The following LRP1B variants were observed in gnomAD, a reference collection of about 807,000 sequenced individuals.
The protein encoded by LRP1B is low-density lipoprotein receptor-related protein 1B.
LRP1B carries 217 observed loss-of-function variants against 556.6 expected under a neutral mutation model. The observed-to-expected ratio is 0.39, with a 90% confidence interval of 0.35 to 0.44. The LOEUF (loss-of-function observed/expected upper bound fraction) is 0.44, where lower values mean the gene tolerates loss of function less well. Among genes scored for constraint, LRP1B ranks in the 20% least tolerant of loss-of-function variants. The pLI, the probability that LRP1B is intolerant of heterozygous loss-of-function variation, is 1.00. For missense variants in LRP1B, 5,053 were observed against 5,620.8 expected, an observed-to-expected ratio of 0.90 and a Z score of 3.23; for synonymous variants, 2,047 against 1,865.8, an observed-to-expected ratio of 1.10 and a Z score of -2.50.
At chr2:141,711,054 T>C (rs1204031045) in intron 2 of LRP1B, among the ~76,000 whole-genome samples, 1 of 152,222 alleles carries the variant, frequency 6.6e-6, no homozygotes, top group Non-Finnish European at 1.5e-5. Flanking sequence ...CTAGAAATTA[T>C]TCTCCCCCTT....
chr2:140,789,821 G>C (rs1559120570), intron 32 of LRP1B, among the ~76,000 whole-genome samples: 1 of 150,846 alleles, frequency 6.6e-6, no homozygotes, highest in Non-Finnish European at 1.5e-5. Flanking sequence ...TAGTAGAGAC[G>C]GGGTTTCACC....
chr2:140,455,925 GCAAC>G, intron 62 of LRP1B, among the ~76,000 whole-genome samples: 1 of 152,130 alleles, frequency 6.6e-6, no homozygotes, highest in Non-Finnish European at 1.5e-5. Context: ...TCAAGTCCAT[GCAAC>G]TACCATACAG....
chr2:141,619,682 C>T (rs191625679), intron 2 of LRP1B, among the ~76,000 whole-genome samples: 5 of 152,204 alleles, frequency 3.3e-5, no homozygotes, highest in East Asian at 1.9e-4. Context: ...CTTAGTTCAA[C>T]AAGAGTAGCA....
At chr2:140,423,887 C>T (rs900767349) in intron 66 of LRP1B, among the ~76,000 whole-genome samples, 1 of 152,054 alleles carries the variant, frequency 6.6e-6, no homozygotes. Context: ...GACATAATAT[C>T]ACTAATATCG....
intron 20 of LRP1B, among the ~76,000 whole-genome samples, chr2:140,925,432 C>G (rs1459764690): frequency 6.6e-6 from 1 of 152,144 alleles, no homozygotes; most frequent in East Asian, 1.9e-4. Flanking sequence ...AGCTTCCATG[C>G]AGCAATGAAA....
At chr2:142,021,013 C>G (rs917401114) in intron 1 of LRP1B, among the ~76,000 whole-genome samples, 1 of 152,174 alleles carries the variant, frequency 6.6e-6, no homozygotes, top group Non-Finnish European at 1.5e-5. Flanking sequence ...AGAACCTTCT[C>G]TTTGAATTTC....
At chr2:141,704,584 C>A (rs1692070130) in intron 2 of LRP1B, among the ~76,000 whole-genome samples, 1 of 151,966 alleles carries the variant, frequency 6.6e-6, no homozygotes, top group South Asian at 2.1e-4. Context: ...TCTTCTTCCC[C>A]TAGGTGTTGT....
chr2:140,855,493 G>GAAAAAAAAAAAAAAA (rs56835236), intron 27 of LRP1B, among the ~76,000 whole-genome samples: 89 of 99,382 alleles, frequency 9.0e-4, no homozygotes, highest in African/African-American at 2.0e-3. Context: ...TCTCTACTGG[G>GAAAAAAAAAAAAAAA]AAAAAAAAAA....
intron 2 of LRP1B, among the ~76,000 whole-genome samples, chr2:141,491,557 T>C (rs1432062237): frequency 6.6e-6 from 1 of 152,090 alleles, no homozygotes; most frequent in African/African-American, 2.4e-5. Flanking sequence ...CCTACCCAAT[T>C]AGAAGCAGGG....
chr2:141,305,180 G>C (rs1325883840), intron 3 of LRP1B, among the ~76,000 whole-genome samples: 2 of 152,046 alleles, frequency 1.3e-5, no homozygotes, highest in African/African-American at 4.8e-5. Flanking sequence ...TGGGTAGAAT[G>C]GTCATTTTAA....
chr2:142,006,636 G>C (rs1702810336), intron 1 of LRP1B, among the ~76,000 whole-genome samples: 2 of 152,158 alleles, frequency 1.3e-5, no homozygotes, highest in South Asian at 4.1e-4. Flanking sequence ...CAACATGCAG[G>C]AAGTTGGCAA....
At chr2:140,941,182 C>T (rs1374440400) in intron 20 of LRP1B, among the ~76,000 whole-genome samples, 1 of 152,004 alleles carries the variant, frequency 6.6e-6, no homozygotes, top group Middle Eastern at 3.2e-3. Flanking sequence ...TTTATACTTT[C>T]CCATGTATTA....
At chr2:141,032,672 T>G (rs1698405942) in intron 11 of LRP1B, among the ~76,000 whole-genome samples, 1 of 151,952 alleles carries the variant, frequency 6.6e-6, no homozygotes, top group East Asian at 1.9e-4. Flanking sequence ...GATATTGTCT[T>G]TATTTCATAA....
intron 2 of LRP1B, among the ~76,000 whole-genome samples, chr2:141,495,888 A>C (rs1311737655): frequency 6.6e-6 from 1 of 152,074 alleles, no homozygotes; most frequent in Non-Finnish European, 1.5e-5. Context: ...TCTCATTATG[A>C]TATTATCTAA....
At chr2:141,460,906 A>T (rs1681841651) in intron 3 of LRP1B, among the ~76,000 whole-genome samples, 1 of 152,040 alleles carries the variant, frequency 6.6e-6, no homozygotes, top group Non-Finnish European at 1.5e-5. Flanking sequence ...AGGGGTGGGG[A>T]AGATCTTGGG....
chr2:141,839,767 C>T (rs910915485), intron 1 of LRP1B, among the ~76,000 whole-genome samples: 4 of 152,166 alleles, frequency 2.6e-5, no homozygotes, highest in African/African-American at 9.7e-5. Flanking sequence ...AATAATTACA[C>T]TGCTTCATCC....
chr2:141,769,945 A>G (rs1273952133), intron 2 of LRP1B, among the ~76,000 whole-genome samples: 1 of 152,170 alleles, frequency 6.6e-6, no homozygotes, highest in African/African-American at 2.4e-5. Flanking sequence ...CCAGAGACTT[A>G]TTGGCAAAAT....
At chr2:141,356,554 A>G (rs1245607657) in intron 3 of LRP1B, among the ~76,000 whole-genome samples, 1 of 135,724 alleles carries the variant, frequency 7.4e-6, no homozygotes, top group Non-Finnish European at 1.7e-5. Flanking sequence ...GTATGATTCT[A>G]TGGTTCCTTT....
intron 2 of LRP1B, among the ~76,000 whole-genome samples, chr2:141,650,916 C>T (rs1689763260): frequency 6.6e-6 from 1 of 152,194 alleles, no homozygotes; most frequent in South Asian, 2.1e-4. Context: ...TTTTCCTCCA[C>T]ATTCCAACTA....
Sources: allele counts gnomAD v4.1 joint callset (sites outside exome capture counted in the v4.1 genomes callset), GRCh38; gene constraint gnomAD v4.1.1; transcripts MANE v1.5; gene names NCBI Gene and HGNC (gene_info 2026-07-23, HGNC 2026-07-21).